CHRM3: variants seen among roughly 807,000 people sequenced by gnomAD.
CHRM3 encodes the protein cholinergic receptor muscarinic 3, also known as muscarinic acetylcholine receptor M3.
Under a neutral mutation model 41.8 loss-of-function variants are expected in CHRM3, and 11 were observed. The observed-to-expected ratio is 0.26, with a 90% CI of 0.17 to 0.44. The LOEUF (loss-of-function observed/expected upper bound fraction) is 0.44. Among genes scored for constraint, CHRM3 ranks in the 20% least tolerant of loss-of-function variants. The pLI is 1.00. For missense variants in CHRM3, 571 were observed against 745.4 expected, an observed-to-expected ratio of 0.77 and a Z score of 2.72; for synonymous variants, 297 against 301.4, an observed-to-expected ratio of 0.99 and a Z score of 0.15.
intron 2 of CHRM3, among the ~76,000 whole-genome samples, chr1:239,530,086 G>A (rs1305102195): frequency 6.6e-6 from 1 of 152,020 alleles, no homozygotes; most frequent in Non-Finnish European, 1.5e-5. Flanking sequence ...TGTATTTTTA[G>A]TAGAGATGGG....
chr1:239,665,497 T>C (rs1204713544), intron 4 of CHRM3, among the ~76,000 whole-genome samples: 1 of 152,196 alleles, frequency 6.6e-6, no homozygotes, highest in East Asian at 1.9e-4. Context: ...GAGGCAATTG[T>C]TACCTTTTGG....
chr1:239,805,253 C>T (rs969774649), intron 5 of CHRM3, among the ~76,000 whole-genome samples: 11 of 152,254 alleles, frequency 7.2e-5, no homozygotes, highest in Admixed American at 3.9e-4. Flanking sequence ...GCTAGTCCAG[C>T]GCAGATGACA....
At chr1:239,621,384 T>A (rs538115539) in intron 3 of CHRM3, among the ~76,000 whole-genome samples, 76 of 152,258 alleles carry the variant, frequency 5.0e-4, no homozygotes, top group East Asian at 1.9e-3. Context: ...AAGAGTTACA[T>A]GTCTCAGTCA....
chr1:239,406,125 C>G (rs796720253), intron 1 of CHRM3, among the ~76,000 whole-genome samples: 11 of 152,286 alleles, frequency 7.2e-5, no homozygotes, highest in African/African-American at 2.6e-4. Flanking sequence ...CTCCTGACCT[C>G]ATGATCTACT....
intron 4 of CHRM3, among the ~76,000 whole-genome samples, chr1:239,644,992 C>T (rs1383095150): frequency 6.6e-6 from 1 of 152,180 alleles, no homozygotes; most frequent in East Asian, 1.9e-4. Context: ...CACCATGCTC[C>T]CTGGTGTTCA....
chr1:239,607,734 G>A (rs1666508853), intron 3 of CHRM3, among the ~76,000 whole-genome samples: 1 of 151,890 alleles, frequency 6.6e-6, no homozygotes, highest in Admixed American at 6.6e-5. Context: ...TTTGGAATTT[G>A]TTATTTCACC....
In CHRM3 at chr1:239,682,804, G is replaced by A. The variant is rs140698220; in HGVS notation, c.-147+4516G>A. On this transcript the variant is annotated intron_variant, in intron 5 of 6. Transcript: ENST00000676153. ...TTTGTTAATGTCTACTTACTGTTTA[G>A]CAAAATTTTTTTGTATCTGTTATTT... 4.7e-3 allele frequency among the ~76,000 whole-genome samples: 716 copies of A among 152,112 alleles called. 1 individual carries two copies. The highest frequency in any genetic ancestry group is 0.016 in the African/African-American group (676 of 41,524).
intron 2 of CHRM3, among the ~76,000 whole-genome samples, chr1:239,537,196 T>C (rs1359326143): frequency 6.6e-6 from 1 of 152,146 alleles, no homozygotes; most frequent in Non-Finnish European, 1.5e-5. Flanking sequence ...AGTTAAATGG[T>C]ACATCGTCCT....
At chr1:239,770,955 G>T (rs1464453057) in intron 5 of CHRM3, among the ~76,000 whole-genome samples, 5 of 152,022 alleles carry the variant, frequency 3.3e-5, no homozygotes, top group Non-Finnish European at 7.4e-5. Flanking sequence ...GGGCCTGGTG[G>T]TGGGTGCCTG....
At chr1:239,497,237 G>C (rs943404447) in intron 2 of CHRM3, among the ~76,000 whole-genome samples, 4 of 152,130 alleles carry the variant, frequency 2.6e-5, no homozygotes, top group African/African-American at 9.7e-5. Flanking sequence ...TTCAGAGACT[G>C]TAAAAAGATT....
At chr1:239,900,377 CTTTTTTT>C (rs10567817) in intron 6 of CHRM3, among the ~76,000 whole-genome samples, 22 of 130,380 alleles carry the variant, frequency 1.7e-4, no homozygotes, top group Middle Eastern at 3.9e-3. Context: ...TTTAGATATT[CTTTTTTT>C]TTTTTTTTTT....
At chr1:239,499,958 C>T (rs1286058413) in intron 2 of CHRM3, among the ~76,000 whole-genome samples, 6 of 152,146 alleles carry the variant, frequency 3.9e-5, no homozygotes, top group African/African-American at 1.4e-4. Flanking sequence ...ACTGTCAAGC[C>T]ACCACTACAA....
At position 239,525,192 on chromosome 1, in the gene CHRM3, G is replaced by A. The variant is rs147291281; in HGVS notation, c.-421-20449G>A. Among the ~76,000 whole-genome samples, 7 of 152,194 alleles carry A rather than the reference G, an allele frequency of 4.6e-5. No individual in the cohort carries two copies. In the East Asian group the frequency reaches 1.4e-3, roughly 29 times the overall value. The stretch of plus-strand genomic sequence containing the variant: ...AGCCTGGGCAACATAGGGAAAACCT[G>A]TCTCTACAAATATTTGTAAAATTTG... On this transcript the variant is annotated intron_variant, in intron 2 of 6. Coordinates refer to ENST00000676153, the MANE Select transcript of CHRM3 (RefSeq NM_001375978.1).
intron 5 of CHRM3, among the ~76,000 whole-genome samples, chr1:239,740,181 G>A (rs1276703493): frequency 6.6e-6 from 1 of 151,938 alleles, no homozygotes; most frequent in Non-Finnish European, 1.5e-5. Flanking sequence ...CTTCCTATTG[G>A]GCAGAAATAA....
At chr1:239,650,673 AT>A (rs2148965404) in intron 4 of CHRM3, among the ~76,000 whole-genome samples, 1 of 152,322 alleles carries the variant, frequency 6.6e-6, no homozygotes, top group East Asian at 1.9e-4. Flanking sequence ...ATAAAAATGG[AT>A]TCATTTTCAC....
intron 4 of CHRM3, among the ~76,000 whole-genome samples, chr1:239,634,070 T>C (rs948442942): frequency 7.9e-5 from 12 of 152,174 alleles, no homozygotes; most frequent in Admixed American, 2.6e-4. Flanking sequence ...CTTTGTCCTA[T>C]GGTAGTAAGT....
At chr1:239,789,655 A>C (rs1263478651) in intron 5 of CHRM3, among the ~76,000 whole-genome samples, 2 of 152,318 alleles carry the variant, frequency 1.3e-5, no homozygotes, top group East Asian at 3.9e-4. Context: ...CAGCTCCCTC[A>C]GGAACTAAGA....
chr1:239,836,504 C>CT (rs1292163272), intron 6 of CHRM3, among the ~76,000 whole-genome samples: 3 of 152,136 alleles, frequency 2.0e-5, no homozygotes, highest in Admixed American at 6.6e-5. Context: ...AGCAGGAGCC[C>CT]TCCTGTCCTT....
intron 3 of CHRM3, among the ~76,000 whole-genome samples, chr1:239,597,849 ACT>A (rs1664968755): frequency 7.5e-6 from 1 of 133,870 alleles, no homozygotes; most frequent in African/African-American, 2.6e-5. Flanking sequence ...AAAAAAAAAA[ACT>A]GTCAGAGTTT....
Sources: gnomAD v4.1 joint callset for allele counts (sites outside exome capture counted in the v4.1 genomes callset) on GRCh38, gnomAD v4.1.1 for gene constraint, MANE v1.5 for transcripts, NCBI Gene and HGNC (gene_info 2026-07-23, HGNC 2026-07-21) for gene names.